The following RAD51B variants were observed in gnomAD, a reference collection of about 807,000 sequenced individuals.
The protein encoded by RAD51B is DNA repair protein RAD51 homolog 2.
Under a neutral mutation model 42.2 loss-of-function variants are expected in RAD51B, and 38 were observed. That is an observed-to-expected ratio of 0.90 (90% CI 0.70 to 1.18). The LOEUF is 1.18. Among genes scored for constraint, RAD51B ranks in the 50% most tolerant of loss-of-function variants. RAD51B has a pLI of 0.00. For synonymous variants in RAD51B, 154 were observed against 145.2 expected (o/e 1.06, Z -0.43); for missense variants, 373 against 400.7 (o/e 0.93, Z 0.59).
chr14:68,658,656 C>T (rs145107925), intron 11 of RAD51B, among the ~76,000 whole-genome samples: 1 of 152,328 alleles, frequency 6.6e-6, no homozygotes, highest in East Asian at 1.9e-4. Flanking sequence ...TACAGAAAGT[C>T]ACCTAGAGAC....
downstream of RAD51B, among the ~76,000 whole-genome samples, chr14:68,597,485 C>A (rs1273402880): frequency 6.6e-6 from 1 of 152,184 alleles, no homozygotes; most frequent in Non-Finnish European, 1.5e-5. Context: ...GATCGTGTCT[C>A]TTGTAGGAAC....
chr14:68,045,997 G>T (rs920975774), intron 7 of RAD51B, among the ~76,000 whole-genome samples: 1 of 152,138 alleles, frequency 6.6e-6, no homozygotes, highest in African/African-American at 2.4e-5. Flanking sequence ...AGCAGCCACC[G>T]CTGCTGCCAC....
chr14:68,015,301 G>C (rs2075759273), intron 7 of RAD51B, among the ~76,000 whole-genome samples: 1 of 152,028 alleles, frequency 6.6e-6, no homozygotes, highest in Non-Finnish European at 1.5e-5. Flanking sequence ...TACTATGATG[G>C]GGATACAAAG....
chr14:67,971,559 A>G (rs529953730), intron 7 of RAD51B, among the ~76,000 whole-genome samples: 1 of 152,234 alleles, frequency 6.6e-6, no homozygotes, highest in South Asian at 2.1e-4. Context: ...AAGACAGTTT[A>G]ATAGTATTTT....
chr14:68,299,022 T>C (rs982485503), intron 8 of RAD51B, among the ~76,000 whole-genome samples: 1 of 152,056 alleles, frequency 6.6e-6, no homozygotes, highest in African/African-American at 2.4e-5. Flanking sequence ...AACTAGTTTC[T>C]GATATCTATC....
chr14:68,327,286 A>AT (rs2082267708), intron 8 of RAD51B, among the ~76,000 whole-genome samples: 1 of 151,216 alleles, frequency 6.6e-6, no homozygotes, highest in African/African-American at 2.4e-5. Context: ...CTCCCGCCAC[A>AT]TTTTTTTGGT....
intron 10 of RAD51B, among the ~76,000 whole-genome samples, chr14:68,618,179 G>A (rs1891864527): frequency 6.6e-6 from 1 of 152,186 alleles, no homozygotes; most frequent in African/African-American, 2.4e-5. Flanking sequence ...CCAGGTGGCT[G>A]GCTATCTTAC....
chr14:68,236,800 A>G (rs575755728), intron 7 of RAD51B, among the ~76,000 whole-genome samples: 30 of 152,092 alleles, frequency 2.0e-4, no homozygotes, highest in African/African-American at 7.0e-4. Context: ...GCAAACATGT[A>G]CTCCTGCTCA....
chr14:68,584,104 A>G (rs1890340727), intron 10 of RAD51B, among the ~76,000 whole-genome samples: 1 of 152,042 alleles, frequency 6.6e-6, no homozygotes, highest in Admixed American at 6.6e-5. Flanking sequence ...ATTTCTGCCC[A>G]ACACCTCGTG....
At chr14:68,578,908 T>C (rs1319370792) in intron 10 of RAD51B, among the ~76,000 whole-genome samples, 3 of 152,228 alleles carry the variant, frequency 2.0e-5, no homozygotes, top group Non-Finnish European at 4.4e-5. Flanking sequence ...GGCTGGGTCA[T>C]AGGCTTGCTT....
At chr14:68,571,912 G>T (rs181484524) in intron 10 of RAD51B, among the ~76,000 whole-genome samples, 1 of 152,164 alleles carries the variant, frequency 6.6e-6, no homozygotes, top group Non-Finnish European at 1.5e-5. Flanking sequence ...GTGAGCAGCC[G>T]CTAAGGGGAA....
chr14:68,181,545 C>T (rs557043381), intron 7 of RAD51B, among the ~76,000 whole-genome samples: 6 of 152,290 alleles, frequency 3.9e-5, no homozygotes, highest in East Asian at 1.9e-4. Flanking sequence ...GTGTTAAAGC[C>T]GGACTTGTTC....
rs78785833 is a variant in RAD51B, at chr14:67,861,870, T to C, written c.316-3133T>C. On this transcript the variant is annotated intron_variant, in intron 4 of 10. Transcript: ENST00000471583. Reference sequence around the variant, plus strand: ...TTCTTTTATCATGTGATTTTTGTTGTCAAAGATATGTGTGTCTTATGAAAA... The same window carrying C: ...TTCTTTTATCATGTGATTTTTGTTGCCAAAGATATGTGTGTCTTATGAAAA... Among the ~76,000 whole-genome samples, 1,396 of 152,098 alleles carry C rather than the reference T, an allele frequency of 9.2e-3. 11 individuals are homozygous for C. The highest frequency in any genetic ancestry group is 0.015 in the Non-Finnish European group (988 of 68,008).
At chr14:68,348,936 C>T (rs2082728966) in intron 8 of RAD51B, among the ~76,000 whole-genome samples, 1 of 152,144 alleles carries the variant, frequency 6.6e-6, no homozygotes, top group Non-Finnish European at 1.5e-5. Context: ...CTGTAAAGGG[C>T]CAGAATATTT....
At chr14:68,179,396 G>A (rs934021682) in intron 7 of RAD51B, among the ~76,000 whole-genome samples, 10 of 152,062 alleles carry the variant, frequency 6.6e-5, no homozygotes, top group African/African-American at 2.4e-4. Context: ...TAAAAAGTTC[G>A]CAAACTACTT....
At chr14:68,680,829 A>T (rs1048245580) in intron 11 of RAD51B, among the ~76,000 whole-genome samples, 2 of 152,110 alleles carry the variant, frequency 1.3e-5, no homozygotes, top group African/African-American at 4.8e-5. Flanking sequence ...GCTGAGAGTG[A>T]GGCCCAGAGG....
At chr14:68,020,106 C>G (rs1301583034) in intron 7 of RAD51B, among the ~76,000 whole-genome samples, 1 of 152,030 alleles carries the variant, frequency 6.6e-6, no homozygotes, top group Non-Finnish European at 1.5e-5. Flanking sequence ...TCTAATCCTG[C>G]TTTTCTTTTC....
chr14:68,326,062 C>T (rs186096949), intron 8 of RAD51B, among the ~76,000 whole-genome samples: 58 of 82,294 alleles, frequency 7.0e-4, no homozygotes, highest in Middle Eastern at 0.01. Context: ...TTTTTTGAGA[C>T]GGAGTTTCAC....
At chr14:68,061,817 A>G (rs904978820) in intron 7 of RAD51B, among the ~76,000 whole-genome samples, 4 of 152,078 alleles carry the variant, frequency 2.6e-5, no homozygotes, top group Admixed American at 2.0e-4. Context: ...AGGTTTTTCT[A>G]TATGTTAAAT....
Sources: gnomAD v4.1 joint callset for allele counts (sites outside exome capture counted in the v4.1 genomes callset) on GRCh38, gnomAD v4.1.1 for gene constraint, MANE v1.5 for transcripts, NCBI Gene and HGNC (gene_info 2026-07-23, HGNC 2026-07-21) for gene names.